The following LDB2 variants were observed in gnomAD, a reference collection of about 807,000 sequenced individuals.
LDB2 encodes the protein LIM domain binding 2, also known as LIM domain-binding protein 2.
LDB2 carries 12 observed loss-of-function variants against 44.3 expected under a neutral mutation model. That is an observed-to-expected ratio of 0.27 (90% CI 0.17 to 0.44). LDB2 has a LOEUF of 0.44. Ranked by LOEUF, LDB2 falls within the 20% of genes least tolerant of loss-of-function variation. LDB2 has a pLI of 1.00. For missense variants in LDB2, 344 were observed against 473.5 expected (o/e 0.73, Z 2.54); for synonymous variants, 164 against 174.8 (o/e 0.94, Z 0.49).
chr4:16,878,928 A>G (rs902594191), intron 1 of LDB2, among the ~76,000 whole-genome samples: 3 of 152,236 alleles, frequency 2.0e-5, no homozygotes, highest in African/African-American at 7.2e-5. Flanking sequence ...ACGCTTTCAC[A>G]GAAACATGCT....
intron 2 of LDB2, among the ~76,000 whole-genome samples, chr4:16,736,900 C>T (rs142919621): frequency 2.0e-4 from 31 of 152,030 alleles, no homozygotes; most frequent in Admixed American, 3.3e-4. Flanking sequence ...AAGTGTCTTC[C>T]CTGAGGTATT....
intron 2 of LDB2, among the ~76,000 whole-genome samples, chr4:16,637,218 G>A (rs1197958927): frequency 6.9e-6 from 1 of 144,930 alleles, no homozygotes; most frequent in Non-Finnish European, 1.5e-5. Context: ...AAACTGGATT[G>A]TTTTTCTCCA....
intron 1 of LDB2, among the ~76,000 whole-genome samples, chr4:16,809,750 A>AAAC (rs1779466286): frequency 6.6e-6 from 1 of 151,708 alleles, no homozygotes; most frequent in Admixed American, 6.6e-5. Context: ...ACAAAAAAAA[A>AAAC]ACGGAACTAC....
intron 2 of LDB2, among the ~76,000 whole-genome samples, chr4:16,662,692 T>G (rs1410879818): frequency 6.6e-6 from 1 of 152,078 alleles, no homozygotes; most frequent in African/African-American, 2.4e-5. Flanking sequence ...TCATGTGATC[T>G]GATGGTTTCA....
At chr4:16,757,499 A>G (rs1766917342) in intron 2 of LDB2, among the ~76,000 whole-genome samples, 1 of 152,154 alleles carries the variant, frequency 6.6e-6, no homozygotes, top group South Asian at 2.1e-4. Context: ...AAGAGCCAGA[A>G]TCTGTTGTAT....
chr4:16,593,143 G>A (rs774019231), intron 3 of LDB2, among the ~76,000 whole-genome samples: 1 of 152,114 alleles, frequency 6.6e-6, no homozygotes, highest in Non-Finnish European at 1.5e-5. Flanking sequence ...TGATTCACCA[G>A]TTGACCAAAT....
At chr4:16,819,979 G>C (rs12511878) in intron 1 of LDB2, among the ~76,000 whole-genome samples, 30,571 of 152,116 alleles carry the variant, frequency 0.2, 3,331 homozygotes, top group Non-Finnish European at 0.23. Context: ...AAATAATGCA[G>C]ACTCTTTCCT....
intron 5 of LDB2, among the ~76,000 whole-genome samples, chr4:16,558,820 G>A (rs1014487628): frequency 1.2e-4 from 18 of 152,166 alleles, no homozygotes; most frequent in African/African-American, 3.4e-4. Flanking sequence ...GAAAGGTCGG[G>A]TTACCCACAG....
At chr4:16,897,946 GTATATATATA>G (rs35836810) in intron 1 of LDB2, among the ~76,000 whole-genome samples, 22 of 27,924 alleles carry the variant, frequency 7.9e-4, no homozygotes, top group African/African-American at 3.2e-3. Context: ...ATACACATAT[GTATATATATA>G]TATATATATA....
intron 1 of LDB2, among the ~76,000 whole-genome samples, chr4:16,880,786 C>G (rs1719837489): frequency 6.6e-6 from 1 of 151,782 alleles, no homozygotes; most frequent in Non-Finnish European, 1.5e-5. Context: ...TGCCTGTAGT[C>G]CCAGCTACTT....
intron 1 of LDB2, among the ~76,000 whole-genome samples, chr4:16,897,680 C>A (rs1725439132): frequency 6.6e-6 from 1 of 151,716 alleles, no homozygotes; most frequent in Non-Finnish European, 1.5e-5. Context: ...GATAGGGGGG[C>A]ACGGCCGACA....
At chr4:16,585,605 A>G (rs890454560) in intron 5 of LDB2, among the ~76,000 whole-genome samples, 1 of 152,190 alleles carries the variant, frequency 6.6e-6, no homozygotes, top group African/African-American at 2.4e-5. Context: ...CCAATAACCC[A>G]TTTGAACTTG....
chr4:16,693,084 T>C (rs895760060), intron 2 of LDB2, among the ~76,000 whole-genome samples: 1 of 152,062 alleles, frequency 6.6e-6, no homozygotes, highest in Non-Finnish European at 1.5e-5. Context: ...ATAAAATGAG[T>C]TTCGAGGGCC....
chr4:16,600,537 C>A (rs1197135718), intron 2 of LDB2, among the ~76,000 whole-genome samples: 1 of 152,088 alleles, frequency 6.6e-6, no homozygotes, highest in Non-Finnish European at 1.5e-5. Flanking sequence ...GAAAATCACA[C>A]ATTAAATTAT....
chr4:16,686,015 G>T (rs186053039), intron 2 of LDB2, among the ~76,000 whole-genome samples: 20 of 152,218 alleles, frequency 1.3e-4, no homozygotes, highest in African/African-American at 4.8e-4. Flanking sequence ...TCGTGCCACT[G>T]CACTCCAGCA....
chr4:16,754,787 C>T, intron 2 of LDB2, among the ~76,000 whole-genome samples: 1 of 152,182 alleles, frequency 6.6e-6, no homozygotes, highest in Non-Finnish European at 1.5e-5. Context: ...CTGCCTTGGC[C>T]TCCTAAAGTG....
chr4:16,518,550 A>G (rs1259139145), intron 5 of LDB2, among the ~76,000 whole-genome samples: 2 of 151,888 alleles, frequency 1.3e-5, no homozygotes, highest in Non-Finnish European at 2.9e-5. Context: ...GGATTTGGCA[A>G]ACTATGACCT....
chr4:16,834,063 A>C (rs185345341), intron 1 of LDB2, among the ~76,000 whole-genome samples: 1 of 152,218 alleles, frequency 6.6e-6, no homozygotes, highest in Admixed American at 6.5e-5. Context: ...GTAGCCCCTT[A>C]ACTTAATATA....
chr4:16,881,515 T>C lies in LDB2; in HGVS notation c.132+16839A>G, dbSNP rs962135093. On this transcript the variant is annotated intron_variant, in intron 1 of 7. Transcript: ENST00000304523. ...ATCCAGGCTCCTGCCTTCATCTTTA[T>C]GGATTTCTAACCATTCAAGGCTTTG... Among the ~76,000 whole-genome samples, 33 of 152,122 alleles carry C rather than the reference T, an allele frequency of 2.2e-4. 1 individual carries two copies. The highest frequency in any genetic ancestry group is 7.5e-4 in the African/African-American group (31 of 41,434).
Sources: allele counts gnomAD v4.1 joint callset (sites outside exome capture counted in the v4.1 genomes callset), GRCh38; gene constraint gnomAD v4.1.1; transcripts MANE v1.5; gene names NCBI Gene and HGNC (gene_info 2026-07-23, HGNC 2026-07-21).